SLC2A9: variants seen among roughly 807,000 people sequenced by gnomAD.
SLC2A9 encodes solute carrier family 2 member 9.
A neutral mutation model predicts 50.6 loss-of-function variants in SLC2A9; 39 were observed. The observed-to-expected ratio is 0.77, with a 90% CI of 0.60 to 1.01. The LOEUF is 1.01. SLC2A9 is among the 50% of genes least tolerant of loss of function. SLC2A9 has a pLI of 0.00. For missense variants in SLC2A9, 686 were observed against 677.6 expected, an observed-to-expected ratio of 1.01 and a Z score of -0.14; for synonymous variants, 324 against 276.9, an observed-to-expected ratio of 1.17 and a Z score of -1.69.
Position 10,038,709 on chromosome 4 carries a change from A to T in SLC2A9, c.-41+1421T>A, listed in dbSNP as rs1394122455. On this transcript the variant is annotated intron_variant, in intron 1 of 12. Transcript: ENST00000309065. ...TGATGGATCTTGATGTTTTACACCA[A>T]GGTTTTACGCAATGACATGGAGCAT... Among the ~76,000 whole-genome samples the T allele has an allele frequency of 2.6e-5, 4 of 152,148 alleles. No individual in the cohort carries two copies. The East Asian group carries it at 7.7e-4, about 29-fold the overall frequency.
intron 4 of SLC2A9, among the ~76,000 whole-genome samples, chr4:9,983,535 C>A (rs764341985): frequency 4.6e-5 from 7 of 152,164 alleles, no homozygotes; most frequent in Non-Finnish European, 7.3e-5. Context: ...CCCGTGAGAC[C>A]AGGCCACCTG....
intron 10 of SLC2A9, among the ~76,000 whole-genome samples, chr4:9,863,189 C>G (rs1045173438): frequency 6.6e-6 from 1 of 151,868 alleles, no homozygotes; most frequent in Non-Finnish European, 1.5e-5. Context: ...CTCTGTCACC[C>G]GGGCTGGAGT....
At chr4:9,987,126 A>AT (rs1424679423) in intron 3 of SLC2A9, among the ~76,000 whole-genome samples, 1 of 152,034 alleles carries the variant, frequency 6.6e-6, no homozygotes, top group Non-Finnish European at 1.5e-5. Context: ...TTTATTTTTA[A>AT]TTTTTATTTT....
chr4:9,851,840 T>C (rs567288214), intron 10 of SLC2A9, among the ~76,000 whole-genome samples: 1 of 152,268 alleles, frequency 6.6e-6, no homozygotes, highest in Non-Finnish European at 1.5e-5. Flanking sequence ...TGAAGACTGG[T>C]TCTCAGAAAT....
intron 10 of SLC2A9, among the ~76,000 whole-genome samples, chr4:9,843,514 G>A (rs1728435297): frequency 6.6e-6 from 1 of 152,008 alleles, no homozygotes; most frequent in Non-Finnish European, 1.5e-5. Flanking sequence ...CTGGGTGGGG[G>A]TCTGATACTA....
chr4:9,974,669 C>T (rs971644809), intron 5 of SLC2A9, among the ~76,000 whole-genome samples: 14 of 152,016 alleles, frequency 9.2e-5, no homozygotes, highest in Non-Finnish European at 1.9e-4. Flanking sequence ...ATTAAAATAG[C>T]AATACTGCCC....
rs189562024 is a variant in SLC2A9, at chr4:9,790,355, T to C, written n.386-10290A>G. On this transcript the variant is annotated intron_variant and non_coding_transcript_variant, in intron 3 of 3. Transcript: ENST00000503803. ...AATGGGTAATTAGACCTCAGTTGTC[T>C]ACATGAGTGAGATCTGCTCAGCATG... Among the ~76,000 whole-genome samples, 500 of 152,334 alleles carry C rather than the reference T, an allele frequency of 3.3e-3. 4 individuals carry two copies. Among genetic ancestry groups the C allele is most frequent in the African/African-American group, 0.011 (473 of 41,568 alleles).
intron 6 of SLC2A9, among the ~76,000 whole-genome samples, chr4:9,937,922 C>T (rs1436238619): frequency 6.6e-6 from 1 of 152,200 alleles, no homozygotes; most frequent in Non-Finnish European, 1.5e-5. Context: ...CAAGCATCAG[C>T]GGCCTCCGTT....
intron 3 of SLC2A9, among the ~76,000 whole-genome samples, chr4:9,820,591 T>C (rs1056323991): frequency 2.6e-5 from 4 of 152,228 alleles, no homozygotes; most frequent in Admixed American, 6.5e-5. Flanking sequence ...TCTTTCCATT[T>C]ATTCGTTCTT....
Position 9,771,716 on chromosome 4 carries a change from G to C in SLC2A9, n.182-347C>G, listed in dbSNP as rs373027010. Among the ~76,000 whole-genome samples the C allele has an allele frequency of 9.8e-5, 15 of 152,378 alleles. No individual in the cohort carries two copies. The East Asian group carries it at 2.5e-3, about 25-fold the overall frequency. On this transcript the variant is annotated intron_variant and non_coding_transcript_variant, in intron 1 of 1. Transcript: ENST00000508585. ...TTCAGTGGGCTGTTGAGCTGTGCTA[G>C]AGGCAGGTGCAGCGTGCTGCAGAAA... is the stretch of plus-strand genomic sequence containing the variant.
upstream of SLC2A9, chr4:10,026,037 G>T: frequency 6.6e-7 from 1 of 1,518,432 alleles, no homozygotes; most frequent in South Asian, 1.1e-5. Context: ...GAAGCCATTA[G>T]ACAGCTGCTT....
intron 3 of SLC2A9, among the ~76,000 whole-genome samples, chr4:9,994,571 T>A (rs1405374136): frequency 3.3e-5 from 5 of 151,104 alleles, no homozygotes; most frequent in Admixed American, 1.3e-4. Context: ...TTCCTTTTTT[T>A]TTTTTTTTTT....
intron 10 of SLC2A9, among the ~76,000 whole-genome samples, chr4:9,848,259 GCA>G: frequency 6.6e-6 from 1 of 151,920 alleles, no homozygotes; most frequent in East Asian, 1.9e-4. Context: ...GGATAAAGAA[GCA>G]ATGGCGCCTT....
chr4:9,774,471 T>G (rs1168183361), intron 1 of SLC2A9, among the ~76,000 whole-genome samples: 1 of 152,164 alleles, frequency 6.6e-6, no homozygotes, highest in African/African-American at 2.4e-5. Flanking sequence ...CCAGCCCAAA[T>G]GTCATATTTT....
At chr4:9,990,110 A>G (rs1335898028) in intron 3 of SLC2A9, among the ~76,000 whole-genome samples, 1 of 152,122 alleles carries the variant, frequency 6.6e-6, no homozygotes, top group East Asian at 1.9e-4. Context: ...GCTTGGCTGC[A>G]TGCTTCAGGA....
At chr4:9,838,584 A>T (rs1300959712) in intron 10 of SLC2A9, among the ~76,000 whole-genome samples, 1 of 152,240 alleles carries the variant, frequency 6.6e-6, no homozygotes, top group Non-Finnish European at 1.5e-5. Context: ...TGGGGGCATC[A>T]TACTACCTGA....
At chr4:9,983,736 G>T (rs1756260291) in intron 4 of SLC2A9, among the ~76,000 whole-genome samples, 1 of 152,212 alleles carries the variant, frequency 6.6e-6, no homozygotes, top group South Asian at 2.1e-4. Flanking sequence ...GTTTTGTTTT[G>T]TTTTTTAAGA....
At chr4:9,981,176 G>T (rs1228765841) in intron 4 of SLC2A9, among the ~76,000 whole-genome samples, 1 of 89,282 alleles carries the variant, frequency 1.1e-5, no homozygotes, top group South Asian at 3.9e-4. Context: ...TGGTAGTGAT[G>T]GTGGTGGTGG....
At chr4:9,983,599 A>G (rs774807268) in intron 4 of SLC2A9, among the ~76,000 whole-genome samples, 14 of 152,132 alleles carry the variant, frequency 9.2e-5, no homozygotes, top group Non-Finnish European at 1.6e-4. Context: ...CCACTGACCA[A>G]CCTGAAGCCA....
Sources: allele counts gnomAD v4.1 joint callset (sites outside exome capture counted in the v4.1 genomes callset), GRCh38; gene constraint gnomAD v4.1.1; transcripts MANE v1.5; gene names NCBI Gene and HGNC (gene_info 2026-07-23, HGNC 2026-07-21).